LIMS1: variants seen among roughly 807,000 people sequenced by gnomAD.
The protein encoded by LIMS1 is LIM and senescent cell antigen-like-containing domain protein 1.
In LIMS1, 18 loss-of-function variants were observed where a neutral mutation model predicts 44.1. That is an observed-to-expected ratio of 0.41 (90% CI 0.28 to 0.61). The LOEUF is 0.61. Among genes scored for constraint, LIMS1 ranks in the 20% least tolerant of loss-of-function variants. The pLI, the probability that LIMS1 is intolerant of heterozygous loss-of-function variation, is 0.32. For missense variants in LIMS1, 201 were observed against 422.0 expected (o/e 0.48, Z 4.59); for synonymous variants, 93 against 149.1 (o/e 0.62, Z 2.74).
intron 1 of LIMS1, among the ~76,000 whole-genome samples, chr2:108,586,718 A>C (rs953909553): frequency 3.3e-5 from 5 of 152,170 alleles, no homozygotes; most frequent in African/African-American, 1.2e-4. Context: ...CTGCAGCATC[A>C]CGAGCTGCCT....
chr2:108,673,086 A>C, intron 5 of LIMS1, 57 bp downstream of exon 5: 1 of 1,252,722 alleles, frequency 8.0e-7, no homozygotes, highest in South Asian at 1.5e-5. Flanking sequence ...GATTACATTT[A>C]TCTATATTTC....
At chr2:108,577,916 G>C (rs1473818518) in intron 1 of LIMS1, among the ~76,000 whole-genome samples, 1 of 152,018 alleles carries the variant, frequency 6.6e-6, no homozygotes, top group African/African-American at 2.4e-5. Flanking sequence ...GTTTTGTTTT[G>C]TTTTTTGAGA....
intron 1 of LIMS1, among the ~76,000 whole-genome samples, chr2:108,561,599 G>A (rs934410259): frequency 2.6e-5 from 4 of 152,056 alleles, no homozygotes; most frequent in Non-Finnish European, 4.4e-5. Context: ...AAAACCCTAC[G>A]TCAAGCAAGT....
rs78155621 is a variant in LIMS1 at position 108,575,199 on chromosome 2, G to A, written c.32+40605G>A. Among the ~76,000 whole-genome samples, 750 of 151,714 alleles carry A rather than the reference G, an allele frequency of 4.9e-3. 7 individuals carry two copies. The highest frequency in any genetic ancestry group is 0.017 in the African/African-American group (718 of 41,328). ...TCCTAGCTAGTTTGTTTAATCATTT[G>A]TAACTTCCCCTCCAAGGTTGGGGAG... On this transcript the variant is annotated intron_variant, in intron 1 of 9. Transcript: ENST00000544547.
intron 1 of LIMS1, among the ~76,000 whole-genome samples, chr2:108,657,519 CTT>C (rs1445457900): frequency 6.6e-6 from 1 of 152,292 alleles, no homozygotes; most frequent in Non-Finnish European, 1.5e-5. Context: ...TACCTGTGGA[CTT>C]TGGTCAGAAA....
intron 6 of LIMS1, 149 bp downstream of exon 6, chr2:108,676,177 A>C (rs1207549917): frequency 9.4e-7 from 1 of 1,066,592 alleles, no homozygotes; most frequent in African/African-American, 1.6e-5. Flanking sequence ...AGGAGACTCT[A>C]AAGATTAAAC....
chr2:108,602,659 C>G (rs1029946910), intron 1 of LIMS1, among the ~76,000 whole-genome samples: 1 of 151,992 alleles, frequency 6.6e-6, no homozygotes, highest in Admixed American at 6.6e-5. Context: ...GGGATAAATC[C>G]CACTTGATTA....
In LIMS1 at chr2:108,650,080, C is replaced by T. The variant is rs560366762; in HGVS notation, c.33-9525C>T. On this transcript the variant is annotated intron_variant, in intron 1 of 9. Transcript: ENST00000544547. ...CCACCTAGCAGACCTGCTATTCAGA[C>T]GAATCTGACTTTTTTGGTATTTTCA... 4.6e-5 allele frequency among the ~76,000 whole-genome samples: 7 copies of T among 152,320 alleles called. No homozygotes were observed. The South Asian group carries it at 1.2e-3, about 27-fold the overall frequency.
intron 1 of LIMS1, among the ~76,000 whole-genome samples, chr2:108,583,175 G>A (rs1685953347): frequency 6.6e-6 from 1 of 151,230 alleles, no homozygotes; most frequent in African/African-American, 2.4e-5. Context: ...TGGGATTACA[G>A]GCGCGCACCA....
intron 1 of LIMS1, chr2:108,607,149 C>T: frequency 2.0e-6 from 3 of 1,492,766 alleles, no homozygotes; most frequent in South Asian, 1.2e-5. Flanking sequence ...CTGCTTGCCC[C>T]TTCCTGCATG....
chr2:108,637,986 G>A (rs946022431), intron 1 of LIMS1, among the ~76,000 whole-genome samples: 3 of 151,808 alleles, frequency 2.0e-5, no homozygotes, highest in Non-Finnish European at 4.4e-5. Flanking sequence ...CTCCTTAGTA[G>A]CGCCTACAGG....
intron 9 of LIMS1, 52 bp downstream of exon 9, chr2:108,680,822 A>C (rs2433845): frequency 1.3e-6 from 2 of 1,591,444 alleles, no homozygotes; most frequent in Non-Finnish European, 1.7e-6. Context: ...AACTTTGGGG[A>C]GACACTTAAA....
intron 1 of LIMS1, among the ~76,000 whole-genome samples, chr2:108,541,160 C>T (rs930797567): frequency 1.3e-5 from 2 of 152,186 alleles, no homozygotes; most frequent in Non-Finnish European, 2.9e-5. Flanking sequence ...TTTTCCTCCC[C>T]AGAGAGATCC....
chr2:108,631,523 G>C (rs1688918824), intron 1 of LIMS1, among the ~76,000 whole-genome samples: 1 of 148,490 alleles, frequency 6.7e-6, no homozygotes, highest in Non-Finnish European at 1.5e-5. Context: ...AAGGGACTCT[G>C]TCTTGGATGC....
At position 108,678,304 on chromosome 2, in the gene LIMS1, T is replaced by TTC. The variant is rs4011997; in HGVS notation, c.823+278_823+279insCT. The TTC allele has an allele frequency of 1.5e-3, 838 of 554,212 alleles. 1 individual carries two copies. The highest frequency in any genetic ancestry group is 2.2e-3 in the Non-Finnish European group (724 of 324,758). The allele number at this position is 554,212 out of a possible 1,614,324, so 34.3% of individuals were successfully genotyped here. A position where few individuals can be genotyped will look rare whatever the true frequency, so the allele number is the denominator to read the frequency against. ...GTCCCTGGTGGACCCTAAGACCTGTTTGTGTCCAGTTTCAGGAAGCTCTAG... is the reference window on the plus strand; with the variant it reads ...GTCCCTGGTGGACCCTAAGACCTGTTTCTGTGTCCAGTTTCAGGAAGCTCTAG... On this transcript the variant is annotated intron_variant, in intron 8 of 9. Coordinates refer to ENST00000544547, the Ensembl canonical transcript of LIMS1.
At chr2:108,598,656 A>G (rs1018774179) in intron 1 of LIMS1, among the ~76,000 whole-genome samples, 10 of 152,318 alleles carry the variant, frequency 6.6e-5, no homozygotes, top group Middle Eastern at 3.4e-3. Flanking sequence ...CCAGTCTGAC[A>G]CTGTTCATTT....
chr2:108,657,293 G>A (rs1178767968), intron 1 of LIMS1, among the ~76,000 whole-genome samples: 5 of 151,376 alleles, frequency 3.3e-5, no homozygotes, highest in African/African-American at 1.2e-4. Context: ...GGACATTCTA[G>A]AATATTCTTT....
intron 1 of LIMS1, among the ~76,000 whole-genome samples, chr2:108,610,400 C>T (rs1307309992): frequency 1.3e-5 from 2 of 152,070 alleles, no homozygotes; most frequent in African/African-American, 4.8e-5. Context: ...TTATACTCAT[C>T]ACCCACACTT....
chr2:108,570,974 A>G (rs149314682), intron 1 of LIMS1, among the ~76,000 whole-genome samples: 26 of 152,350 alleles, frequency 1.7e-4, no homozygotes, highest in African/African-American at 5.1e-4. Flanking sequence ...CAAAGTTGCT[A>G]AAAACATTTC....
Sources: allele counts gnomAD v4.1 joint callset (sites outside exome capture counted in the v4.1 genomes callset), GRCh38; gene constraint gnomAD v4.1.1; transcripts MANE v1.5; gene names NCBI Gene and HGNC (gene_info 2026-07-23, HGNC 2026-07-21).